The following LRTM3 variants were observed in gnomAD, a reference collection of about 807,000 sequenced individuals.
LRTM3 encodes leucine rich repeat transmembrane protein 3.
the LRTM3 span, chr13:102,734,658 C>T: frequency 1.9e-6 from 3 of 1,550,988 alleles, no homozygotes; most frequent in East Asian, 4.9e-5. Context: ...ACGACGGACT[C>T]TCTATGTACA....
chr13:102,758,997 A>G, the LRTM3 span: 1 of 979,636 alleles, frequency 1.0e-6, no homozygotes, highest in Non-Finnish European at 1.5e-6. Context: ...GAGGCCCTGA[A>G]ATATAAAACC....
At chr13:102,748,633 T>G in the LRTM3 span, 1 of 1,550,408 alleles carries the variant, frequency 6.4e-7, no homozygotes, top group Non-Finnish European at 8.7e-7. Context: ...CTTCTAAAGA[T>G]GTCTTGTGCT....
the LRTM3 span, among the ~76,000 whole-genome samples, chr13:102,758,127 A>G: frequency 6.6e-6 from 1 of 152,202 alleles, no homozygotes; most frequent in Admixed American, 6.5e-5. Flanking sequence ...GGTGTGTTGG[A>G]GAGAGAGTTA....
the LRTM3 span, chr13:102,730,528 A>G: frequency 6.4e-6 from 10 of 1,551,536 alleles, no homozygotes; most frequent in African/African-American, 6.8e-5. Flanking sequence ...CTGGAGTCAC[A>G]TGGAATTCTG....
At chr13:102,740,039 C>T in the LRTM3 span, 1 of 1,550,340 alleles carries the variant, frequency 6.5e-7, no homozygotes, top group Non-Finnish European at 8.7e-7. Flanking sequence ...CTGTCCTTTA[C>T]TTTCTTGCAA....
the LRTM3 span, chr13:102,749,742 C>T: frequency 6.4e-7 from 1 of 1,551,346 alleles, no homozygotes; most frequent in East Asian, 2.4e-5. Flanking sequence ...ATATATTGGG[C>T]TTGACTAGTA....
the LRTM3 span, chr13:102,736,588 G>A: frequency 4.5e-6 from 7 of 1,551,066 alleles, no homozygotes; most frequent in African/African-American, 4.1e-5. Context: ...CTAACTCAAG[G>A]AAAGCTGAAG....
At chr13:102,742,470 C>A in the LRTM3 span, 1 of 1,549,334 alleles carries the variant, frequency 6.5e-7, no homozygotes, top group Non-Finnish European at 8.7e-7. Flanking sequence ...TTCCAGTCTG[C>A]AGTTTTAAAT....
the LRTM3 span, chr13:102,743,378 G>T: frequency 1.3e-6 from 2 of 1,550,520 alleles, no homozygotes; most frequent in Non-Finnish European, 1.7e-6. Context: ...ATTTGGAAAT[G>T]TATCAGCCAC....
chr13:102,748,187 GTTTC>G, the LRTM3 span: 4 of 1,550,942 alleles, frequency 2.6e-6, no homozygotes, highest in Admixed American at 5.9e-5. Flanking sequence ...TGCATCAGAC[GTTTC>G]TTTATCTTGA....
the LRTM3 span, chr13:102,736,547 C>T: frequency 1.1e-5 from 17 of 1,550,886 alleles, no homozygotes; most frequent in African/African-American, 5.5e-5. Context: ...TCTTGTTATT[C>T]GTGGTTCACC....
the LRTM3 span, chr13:102,742,343 C>A: frequency 6.5e-7 from 1 of 1,548,372 alleles, no homozygotes. Flanking sequence ...ATCTTTATGT[C>A]TTATGATTTT....
chr13:102,746,319 A>G, the LRTM3 span: 5 of 1,550,552 alleles, frequency 3.2e-6, no homozygotes, highest in East Asian at 2.4e-5. Context: ...CCATCTTGCA[A>G]TTTTTCCTCT....
the LRTM3 span, chr13:102,738,722 G>A: frequency 6.4e-7 from 1 of 1,550,550 alleles, no homozygotes; most frequent in African/African-American, 1.4e-5. Flanking sequence ...TATTCTCATG[G>A]CTTCCTCTCC....
At chr13:102,746,605 G>C in the LRTM3 span, 71 of 1,550,924 alleles carry the variant, frequency 4.6e-5, no homozygotes, top group Non-Finnish European at 6.2e-5. Context: ...TTACACATTT[G>C]GGCTTCGCTG....
At chr13:102,737,969 T>C in the LRTM3 span, 1 of 1,551,168 alleles carries the variant, frequency 6.4e-7, no homozygotes, top group Admixed American at 2.0e-5. Context: ...TGCTTTCTGT[T>C]GCTCTTCAAC....
chr13:102,737,676 C>T, the LRTM3 span: 4 of 1,550,080 alleles, frequency 2.6e-6, no homozygotes, highest in South Asian at 4.8e-5. Context: ...TTTACTTCAT[C>T]CTCTTCTTTC....
chr13:102,758,092 T>A, the LRTM3 span, among the ~76,000 whole-genome samples: 1 of 152,208 alleles, frequency 6.6e-6, no homozygotes, highest in Admixed American at 6.5e-5. Flanking sequence ...TAAATAAATA[T>A]CTTTTCAGTT....
At chr13:102,730,837 G>A in the LRTM3 span, 1 of 1,551,480 alleles carries the variant, frequency 6.4e-7, no homozygotes, top group East Asian at 2.4e-5. Context: ...GAAGGTATTT[G>A]TATTGTAAAT....
Sources: allele counts gnomAD v4.1 joint callset (sites outside exome capture counted in the v4.1 genomes callset), GRCh38; gene constraint gnomAD v4.1.1; transcripts MANE v1.5; gene names NCBI Gene and HGNC (gene_info 2026-07-23, HGNC 2026-07-21).